Variants in RIC8A observed in about 807,000 individuals in gnomAD.
The protein encoded by RIC8A is RIC8 guanine nucleotide exchange factor A.
In RIC8A, 37 loss-of-function variants were observed where a neutral mutation model predicts 48.4. The observed-to-expected ratio is 0.77, with a 90% CI of 0.59 to 1.01. The LOEUF (loss-of-function observed/expected upper bound fraction) is 1.01, where lower values mean the gene tolerates loss of function less well. Ranked by LOEUF, RIC8A falls within the 50% of genes least tolerant of loss-of-function variation. The pLI, the probability that RIC8A is intolerant of heterozygous loss-of-function variation, is 0.00. For missense variants in RIC8A, 681 were observed against 696.8 expected (o/e 0.98, Z 0.25); for synonymous variants, 288 against 283.4 (o/e 1.02, Z -0.16).
In RIC8A at chr11:208,796, C is replaced by A; in HGVS notation, c.-59C>A. 1 of 1,448,574 alleles carries A rather than the reference C, an allele frequency of 6.9e-7. No individual in the cohort carries two copies. Among genetic ancestry groups the A allele is most frequent in the Non-Finnish European group, 9.5e-7 (1 of 1,057,228 alleles). The allele number at this position is 1,448,574 out of a possible 1,614,324, so 89.7% of individuals were successfully genotyped here. On this transcript the variant is annotated 5_prime_UTR_variant, in exon 1 of 10. Coordinates refer to ENST00000526104, the MANE Select transcript of RIC8A (RefSeq NM_001286134.2). The surrounding 1 kb of genome is among the most constrained non-coding windows in gnomAD (Gnocchi z 4.8). The stretch of plus-strand genomic sequence containing the variant: ...GGGGCTTTCTGGGCCAGGGCGGGGC[C>A]GGCGAACTGCGGCCCGGAACGGCTG...
rs372523925 is a variant in RIC8A, at chr11:212,445, C to T, written c.999C>T (p.Pro333=). 5.0e-6 allele frequency: 8 copies of T among 1,613,852 alleles called. No individual in the cohort carries two copies. Among genetic ancestry groups the T allele is most frequent in the East Asian group, 2.2e-5 (1 of 44,866 alleles). ...KTHRLKESVA[P]VLSVLTECAR... ...ACAGGCTGAAGGAGAGTGTAGCTCC[C>T]GTGCTGAGCGTGCTGACTGAATGTG... The change falls in exon 6 of 10, where the codon CCC becomes CCT. Residue 333 remains proline (P), a synonymous_variant. Coordinates refer to ENST00000526104, the MANE Select transcript of RIC8A (RefSeq NM_001286134.2).
At position 207,737 on chromosome 11, in the gene RIC8A, G is replaced by A. The variant is rs371738438; in HGVS notation, c.-1118G>A. On this transcript the variant is annotated 5_prime_UTR_variant, in exon 1 of 10. Coordinates refer to ENST00000526104, the MANE Select transcript of RIC8A (RefSeq NM_001286134.2). ...AGTGCCTAGACGATGGTGGTGGAAA[G>A]ACGCTTCTGTGGGTTAGGTCCTAAC... is the stretch of plus-strand genomic sequence containing the variant. 4.4e-4 allele frequency: 83 copies of A among 190,132 alleles called. No homozygotes were observed. In the East Asian group the frequency reaches 0.011, roughly 24 times the overall value. 11.8% of individuals were successfully genotyped at this position (190,132 alleles called of 1,614,324 possible).
rs1855320416 is a variant in RIC8A, at chr11:210,285, G to A, written c.726+285G>A. ...CCTCCACCATGAGGCTGTGAGTGGG[G>A]CTGAGACAGAGTGTGACTTCATCCC... On this transcript the variant is annotated intron_variant, in intron 3 of 9. Coordinates refer to ENST00000526104, the MANE Select transcript of RIC8A (RefSeq NM_001286134.2). The A allele has an allele frequency of 5.8e-6, 4 of 686,976 alleles. No individual in the cohort carries two copies. In the Admixed American group the frequency reaches 8.1e-5, roughly 14 times the overall value. 42.6% of individuals were successfully genotyped at this position (686,976 alleles called of 1,614,324 possible). A position where few individuals can be genotyped will look rare whatever the true frequency, so the allele number is the denominator to read the frequency against.
chr11:210,028 G>T lies in RIC8A; in HGVS notation c.726+28G>T, dbSNP rs924915787. On this transcript the variant is annotated intron_variant, in intron 3 of 9. Coordinates refer to ENST00000526104, the MANE Select transcript of RIC8A (RefSeq NM_001286134.2). ...GAGCACTGACCTTAACCCATGGATG[G>T]GTCTCAACTCAGCTCCAACATTTCC... 2.0e-6 allele frequency: 3 copies of T among 1,534,380 alleles called. No individual in the cohort carries two copies. In the African/African-American group the frequency reaches 4.1e-5, roughly 21 times the overall value.
In RIC8A at chr11:208,794, G is replaced by T. The variant is rs1326998609; in HGVS notation, c.-61G>T. On this transcript the variant is annotated 5_prime_UTR_variant, in exon 1 of 10. Coordinates refer to ENST00000526104, the MANE Select transcript of RIC8A (RefSeq NM_001286134.2). This position sits in a 1 kb window ranked among gnomAD's most constrained non-coding sequence, Gnocchi z 4.8. ...GCGGGGCTTTCTGGGCCAGGGCGGG[G>T]CCGGCGAACTGCGGCCCGGAACGGC... 16 of 1,434,360 alleles carry T rather than the reference G, an allele frequency of 1.1e-5. No individual in the cohort carries two copies. The highest frequency in any genetic ancestry group is 1.5e-5 in the Non-Finnish European group (16 of 1,045,358). 88.9% of individuals were successfully genotyped at this position (1,434,360 alleles called of 1,614,324 possible). A position where few individuals can be genotyped will look rare whatever the true frequency, so the allele number is the denominator to read the frequency against.
At chr11:213,970 G>A (rs771894003) in intron 9 of RIC8A, among the ~76,000 whole-genome samples, 11 of 152,028 alleles carry the variant, frequency 7.2e-5, no homozygotes, top group South Asian at 2.1e-4. Flanking sequence ...GACTAATGTC[G>A]CCAGATTTAT....
intron 2 of RIC8A, 36 bp downstream of exon 2, chr11:209,354 G>T (rs371110933): frequency 6.2e-7 from 1 of 1,603,450 alleles, no homozygotes; most frequent in Non-Finnish European, 8.5e-7. Flanking sequence ...GGGCAGGGAC[G>T]GGTGGCCCCA....
Position 211,489 on chromosome 11 carries a change from T to C in RIC8A, c.969+140T>C, listed in dbSNP as rs967147884. The C allele has an allele frequency of 5.3e-6, 5 of 939,202 alleles. No homozygotes were observed. The highest frequency in any genetic ancestry group is 3.5e-4 in the Middle Eastern group (1 of 2,892). 58.2% of individuals were successfully genotyped at this position (939,202 alleles called of 1,614,324 possible). On this transcript the variant is annotated intron_variant, in intron 5 of 9. Coordinates refer to ENST00000526104, the MANE Select transcript of RIC8A (RefSeq NM_001286134.2). The surrounding 1 kb of genome is among the most constrained non-coding windows in gnomAD (Gnocchi z 4.0). ...GGTGTGATATGGGCGACTCTTCCGG[T>C]TGTTCTGTGGTCCAGCCTGGCAAGA...
Position 212,884 on chromosome 11 carries a change from C to A in RIC8A, c.1258C>A (p.Leu420Met), listed in dbSNP as rs768748835. 4 of 1,606,724 alleles carry A rather than the reference C, an allele frequency of 2.5e-6. No individual in the cohort carries two copies. In the South Asian group the frequency reaches 4.5e-5, roughly 18 times the overall value. The change falls in exon 8 of 10, where the codon CTG becomes ATG. Residue 420 changes from leucine (L) to methionine (M), a missense_variant. Transcript: ENST00000526104. ...YTGYGNAAGL[L>M]AARGLMAGGR... The stretch of plus-strand genomic sequence containing the variant: ...AGGCTATGGGAATGCTGCTGGCCTT[C>A]TGGCTGCCAGGGGCCTCATGGCAGG...
intron 9 of RIC8A, 149 bp downstream of exon 9, chr11:213,567 G>A (rs1855431068): frequency 9.2e-7 from 1 of 1,086,634 alleles, no homozygotes; most frequent in Admixed American, 2.5e-5. Flanking sequence ...CACTTGCCCT[G>A]GAGGAAATCC....
At position 211,218 on chromosome 11, in the gene RIC8A, G is replaced by A. The variant is rs369816023; in HGVS notation, c.838G>A (p.Gly280Arg). The A allele has an allele frequency of 1.9e-6, 3 of 1,613,712 alleles. No individual in the cohort carries two copies. The African/African-American group carries it at 4.0e-5, about 22-fold the overall frequency. Residue 280 changes from glycine (G) to arginine (R), a missense_variant, in exon 5 of 10, where the codon GGG becomes AGG. Coordinates refer to ENST00000526104, the MANE Select transcript of RIC8A (RefSeq NM_001286134.2). This position sits in a 1 kb window ranked among gnomAD's most constrained non-coding sequence, Gnocchi z 4.0. ...EFHGHAVNLL[G>R]NLPLKCLDVL... ...CCCCAGCCACGCAGTGAACCTCCTG[G>A]GGAACTTGCCCCTCAAGTGTCTGGA...
At position 209,906 on chromosome 11, in the gene RIC8A, C is replaced by G; in HGVS notation, c.632C>G (p.Thr211Arg). 1 of 1,608,864 alleles carries G rather than the reference C, an allele frequency of 6.2e-7. No individual in the cohort carries two copies. The highest frequency in any genetic ancestry group is 1.1e-5 in the South Asian group (1 of 91,090). ...ACTCCTGAAGGGAACCCCCCACCCACGCTCCTTCCTTCCCAAGAGACTGAG... is the reference window on the plus strand; with the variant it reads ...ACTCCTGAAGGGAACCCCCCACCCAGGCTCCTTCCTTCCCAAGAGACTGAG... ...GVTPEGNPPP[T>R]LLPSQETERA... The change falls in exon 3 of 10, where the codon ACG becomes AGG. Residue 211 changes from threonine (T) to arginine (R), a missense_variant. Coordinates refer to ENST00000526104, the MANE Select transcript of RIC8A (RefSeq NM_001286134.2).
At position 214,659 on chromosome 11, in the gene RIC8A, C is replaced by T; in HGVS notation, c.*309C>T. ...GCTGCTGCCTGAGGGCAGGGCCTAC[C>T]TGGGCACACAGAAGAGCATATGGGA... On this transcript the variant is annotated 3_prime_UTR_variant, in exon 10 of 10. Coordinates refer to ENST00000526104, the MANE Select transcript of RIC8A (RefSeq NM_001286134.2). The T allele has an allele frequency of 2.3e-6, 1 of 427,230 alleles. No homozygotes were observed. Among genetic ancestry groups the T allele is most frequent in the South Asian group, 2.0e-5 (1 of 49,050 alleles). The allele number at this position is 427,230 out of a possible 1,614,324, so 26.5% of individuals were successfully genotyped here.
In RIC8A at chr11:209,000, G is replaced by C; in HGVS notation, c.84+62G>C. On this transcript the variant is annotated intron_variant, in intron 1 of 9. Transcript: ENST00000526104. The surrounding 1 kb of genome is among the most constrained non-coding windows in gnomAD (Gnocchi z 4.8). ...GGGGGTGGGGCAGGGTCGTGCGCGG[G>C]TAGCAGGGAGGGCGTGGGTGAGGCA... 7.4e-7 allele frequency: 1 copy of C among 1,356,146 alleles called. No homozygotes were observed. The highest frequency in any genetic ancestry group is 1.0e-6 in the Non-Finnish European group (1 of 969,360). The allele number at this position is 1,356,146 out of a possible 1,614,324, so 84.0% of individuals were successfully genotyped here.
At position 212,762 on chromosome 11, in the gene RIC8A, G is replaced by A. The variant is rs1211340914; in HGVS notation, c.1210+3G>A. 4 of 1,613,914 alleles carry A rather than the reference G, an allele frequency of 2.5e-6. No homozygotes were observed. Among genetic ancestry groups the A allele is most frequent in the South Asian group, 1.1e-5 (1 of 91,086 alleles). ...GTTTGTCCTGTGCTCTGAGAGTGGT[G>A]AGTTATGGAGACCCAGGTCCCAGCC... On this transcript the variant is annotated splice_donor_region_variant and intron_variant, in intron 7 of 9. Transcript: ENST00000526104.
In RIC8A at chr11:212,488, G is replaced by A. The variant is rs1855387177; in HGVS notation, c.1042G>A (p.Ala348Thr). The A allele has an allele frequency of 6.2e-7, 1 of 1,613,932 alleles. No homozygotes were observed. The highest frequency in any genetic ancestry group is 8.5e-7 in the Non-Finnish European group (1 of 1,179,924). Reference sequence around the variant, plus strand: ...TGAATGTGCCCGGATGCACCGCCCAGCCAGGAAGTTCCTGAAGGCCCAGGT... The same window carrying A: ...TGAATGTGCCCGGATGCACCGCCCAACCAGGAAGTTCCTGAAGGCCCAGGT... The part of the protein sequence containing the change: ...LTECARMHRP[A>T]RKFLKAQVLP... Residue 348 changes from alanine to threonine, a missense_variant, in exon 6 of 10, where the codon GCC (alanine) becomes ACC (threonine). Coordinates refer to ENST00000526104, the MANE Select transcript of RIC8A (RefSeq NM_001286134.2).
Position 212,659 on chromosome 11 carries a change from G to T in RIC8A, c.1110G>T (p.Gly370=), listed in dbSNP as rs1855392561. The part of the protein sequence containing the change: ...LRDVRTRPEV[G]EMLRNKLVRL... ...ATGTGAGGACACGGCCTGAGGTTGGGGAGATGCTGCGGAACAAGCTTGTCC... is the reference window on the plus strand; with the variant it reads ...ATGTGAGGACACGGCCTGAGGTTGGTGAGATGCTGCGGAACAAGCTTGTCC... Residue 370 remains glycine, a synonymous_variant, in exon 7 of 10, where the codon GGG becomes GGT. Transcript: ENST00000526104. 2 of 1,614,096 alleles carry T rather than the reference G, an allele frequency of 1.2e-6. No individual in the cohort carries two copies. Among genetic ancestry groups the T allele is most frequent in the East Asian group, 4.5e-5 (2 of 44,874 alleles).
chr11:209,386 C>A (rs758711261), intron 2 of RIC8A, 21 bp from the exon 3 acceptor site: 65 of 1,599,722 alleles, frequency 4.1e-5, no homozygotes, highest in Non-Finnish European at 5.1e-5. Context: ...CTGGTGGAGC[C>A]GCTCTTCTCC....
rs1326144726 is a variant in RIC8A at position 214,231 on chromosome 11, AAC to A, written c.1479_1480del (p.Asn493LysfsTer34). Reference sequence around the variant, plus strand: ...CCCCACTGCACCTTTCCCCAACAGGAACAGAGTCATCCAGCCAATGGGGATGA... The same window carrying A: ...CCCCACTGCACCTTTCCCCAACAGGAAGAGTCATCCAGCCAATGGGGATGA... ...LVTMFDKLSRNRVIQPMGMSP... is the reference protein window; with the variant it reads ...LVTMFDKLSRXRVIQPMGMSP... On this transcript the variant is annotated frameshift_variant and splice_region_variant, in exon 10 of 10. Transcript: ENST00000526104. LOFTEE classifies it high-confidence loss of function. 1 of 1,613,512 alleles carries A rather than the reference AAC, an allele frequency of 6.2e-7. No homozygotes were observed. The highest frequency in any genetic ancestry group is 1.3e-5 in the African/African-American group (1 of 74,904).
Sources: gnomAD v4.1 joint callset for allele counts (sites outside exome capture counted in the v4.1 genomes callset) on GRCh38, gnomAD v4.1.1 for gene constraint, Gnocchi (gnomAD v3.1) non-coding constraint, MANE v1.5 for transcripts, NCBI Gene and HGNC (gene_info 2026-07-23, HGNC 2026-07-21) for gene names.